The following APBA2 variants were observed in gnomAD, a reference collection of about 807,000 sequenced individuals.
APBA2 encodes amyloid-beta A4 precursor protein-binding family A member 2.
Under a neutral mutation model 75.0 loss-of-function variants are expected in APBA2, and 30 were observed. That is an observed-to-expected ratio of 0.40 (90% CI 0.30 to 0.54). The LOEUF is 0.54. Among genes scored for constraint, APBA2 ranks in the 20% least tolerant of loss-of-function variants. APBA2 has a pLI of 0.49. For synonymous variants in APBA2, 444 were observed against 409.6 expected (o/e 1.08, Z -1.01); for missense variants, 801 against 1,016.1 (o/e 0.79, Z 2.88).
intron 9 of APBA2, 73 bp from the exon 10 acceptor site, chr15:29,101,526 C>A: frequency 6.5e-7 from 1 of 1,526,746 alleles, no homozygotes; most frequent in African/African-American, 1.4e-5. Flanking sequence ...GCCACCATGC[C>A]CAGCCCTGGA....
intron 1 of APBA2, among the ~76,000 whole-genome samples, chr15:28,913,043 G>A (rs2033504580): frequency 6.6e-6 from 1 of 152,178 alleles, no homozygotes; most frequent in African/African-American, 2.4e-5. Flanking sequence ...CACTATCTGG[G>A]ACAGGGACCA....
intron 1 of APBA2, among the ~76,000 whole-genome samples, chr15:28,901,683 C>T (rs1281910180): frequency 6.6e-6 from 1 of 152,090 alleles, no homozygotes; most frequent in Non-Finnish European, 1.5e-5. Flanking sequence ...TGGCCACACC[C>T]CTGACTGTTT....
chr15:29,020,895 A>G (rs2039920504), intron 3 of APBA2, among the ~76,000 whole-genome samples: 1 of 152,088 alleles, frequency 6.6e-6, no homozygotes, highest in African/African-American at 2.4e-5. Context: ...CAGTGAATAT[A>G]CCCAGCAAAC....
At chr15:28,893,461 C>T (rs1225586638) in intron 1 of APBA2, among the ~76,000 whole-genome samples, 1 of 152,200 alleles carries the variant, frequency 6.6e-6, no homozygotes, top group Non-Finnish European at 1.5e-5. Context: ...CCTGCACTTC[C>T]CATCTGGCCT....
intron 3 of APBA2, among the ~76,000 whole-genome samples, chr15:29,039,355 C>T (rs1157746841): frequency 6.7e-6 from 1 of 148,800 alleles, no homozygotes; most frequent in African/African-American, 2.6e-5. Context: ...GCGTAACTCT[C>T]TCATTCCTTC....
intron 2 of APBA2, among the ~76,000 whole-genome samples, chr15:28,934,775 G>A (rs1439481174): frequency 6.6e-6 from 1 of 152,216 alleles, no homozygotes; most frequent in African/African-American, 2.4e-5. Context: ...GGCTGTCACA[G>A]AGATGGGCTA....
chr15:28,891,752 G>A (rs1399113541), intron 1 of APBA2, among the ~76,000 whole-genome samples: 1 of 152,160 alleles, frequency 6.6e-6, no homozygotes, highest in Admixed American at 6.5e-5. Context: ...GTGAGTCGGA[G>A]AACACTATTG....
intron 2 of APBA2, among the ~76,000 whole-genome samples, chr15:28,952,567 T>G (rs2035947621): frequency 6.6e-6 from 1 of 152,154 alleles, no homozygotes; most frequent in African/African-American, 2.4e-5. Context: ...TGCTATCCAG[T>G]TTAAGACATG....
intron 3 of APBA2, among the ~76,000 whole-genome samples, chr15:29,016,688 G>A (rs2152822906): frequency 6.6e-6 from 1 of 152,258 alleles, no homozygotes; most frequent in Admixed American, 6.5e-5. Context: ...AGCCTGGCGG[G>A]GAAAGAGAAA....
chr15:28,928,604 A>T (rs542544744), intron 2 of APBA2, among the ~76,000 whole-genome samples: 1 of 152,286 alleles, frequency 6.6e-6, no homozygotes, highest in African/African-American at 2.4e-5. Context: ...AGGAGGCCAG[A>T]GGGGGCTGGA....
Position 29,054,893 on chromosome 15 carries a change from A to C in APBA2, c.951+58A>C. Reference sequence around the variant, plus strand: ...GAGGGGCCCGAGAGCAAGGGACCTCAGGGTACAGGCCTTGCAGATGCTGAA... The same window carrying C: ...GAGGGGCCCGAGAGCAAGGGACCTCCGGGTACAGGCCTTGCAGATGCTGAA... On this transcript the variant is annotated intron_variant, in intron 4 of 14. Coordinates refer to ENST00000683413, the MANE Select transcript of APBA2 (RefSeq NM_001353788.2). This position sits in a 1 kb window ranked among gnomAD's most constrained non-coding sequence, Gnocchi z 6.1. 1 of 1,514,868 alleles carries C rather than the reference A, an allele frequency of 6.6e-7. No individual in the cohort carries two copies. Among genetic ancestry groups the C allele is most frequent in the Non-Finnish European group, 8.9e-7 (1 of 1,119,422 alleles). 93.8% of individuals were successfully genotyped at this position (1,514,868 alleles called of 1,614,324 possible). A position where few individuals can be genotyped will look rare whatever the true frequency, so the allele number is the denominator to read the frequency against.
At chr15:29,017,379 ATCTTC>A (rs2039715989) in intron 3 of APBA2, among the ~76,000 whole-genome samples, 1 of 114,442 alleles carries the variant, frequency 8.7e-6, no homozygotes, top group Non-Finnish European at 1.9e-5. Context: ...ATATTTTTCC[ATCTTC>A]TTTTCTTTCT....
intron 6 of APBA2, among the ~76,000 whole-genome samples, chr15:29,091,448 G>A (rs1047751031): frequency 3.9e-5 from 6 of 152,172 alleles, no homozygotes; most frequent in African/African-American, 1.4e-4. Flanking sequence ...GCAGCCAGGA[G>A]TTTGAGGCAG....
intron 14 of APBA2, among the ~76,000 whole-genome samples, chr15:29,116,029 C>T (rs190376135): frequency 2.0e-5 from 3 of 150,260 alleles, no homozygotes; most frequent in Non-Finnish European, 3.0e-5. Flanking sequence ...GAGCGTCGTG[C>T]TCAGGAGAGG....
At chr15:28,990,808 AG>A (rs1281339657) in intron 2 of APBA2, 1 of 152,220 alleles carries the variant, frequency 6.6e-6, no homozygotes, top group Admixed American at 6.5e-5. Flanking sequence ...TAAGTTTCCA[AG>A]AACAGAGCTC....
chr15:29,096,579 C>G (rs1017565495), intron 8 of APBA2, among the ~76,000 whole-genome samples: 44 of 152,380 alleles, frequency 2.9e-4, no homozygotes, highest in African/African-American at 9.1e-4. Flanking sequence ...AGCTGCACTG[C>G]TTTCAACTCC....
intron 2 of APBA2, among the ~76,000 whole-genome samples, chr15:28,928,777 A>G (rs12161975): frequency 6.6e-6 from 1 of 152,014 alleles, no homozygotes; most frequent in Non-Finnish European, 1.5e-5. Context: ...TTGGGTTTTC[A>G]TGGTGAGAAC....
intron 4 of APBA2, among the ~76,000 whole-genome samples, chr15:29,064,443 G>A (rs1566964640): frequency 2.6e-5 from 4 of 152,166 alleles, no homozygotes; most frequent in Admixed American, 6.5e-5. Flanking sequence ...TCATTCTAGA[G>A]GGAGACGGAT....
At chr15:28,945,628 C>T (rs974140615) in intron 2 of APBA2, among the ~76,000 whole-genome samples, 11 of 151,648 alleles carry the variant, frequency 7.3e-5, no homozygotes, top group African/African-American at 2.4e-4. Flanking sequence ...AAGCGATTCT[C>T]CTGCCTCAGC....
Sources: gnomAD v4.1 joint callset for allele counts (sites outside exome capture counted in the v4.1 genomes callset) on GRCh38, gnomAD v4.1.1 for gene constraint, Gnocchi (gnomAD v3.1) non-coding constraint, MANE v1.5 for transcripts, NCBI Gene and HGNC (gene_info 2026-07-23, HGNC 2026-07-21) for gene names.